The following ANKRD28 variants were observed in gnomAD, a reference collection of about 807,000 sequenced individuals.
ANKRD28 encodes ankyrin repeat domain 28.
A neutral mutation model predicts 126.5 loss-of-function variants in ANKRD28; 44 were observed. The ratio of observed to expected loss-of-function variants is 0.35; its 90% CI spans 0.27 to 0.45. The LOEUF is 0.45. Ranked by LOEUF, ANKRD28 falls within the 20% of genes least tolerant of loss-of-function variation. ANKRD28 has a pLI of 1.00. For synonymous variants in ANKRD28, 442 were observed against 468.5 expected, an observed-to-expected ratio of 0.94 and a Z score of 0.73; for missense variants, 1,110 against 1,316.6, an observed-to-expected ratio of 0.84 and a Z score of 2.43.
chr3:15,737,323 T>C, intron 4 of ANKRD28, 90 bp from the exon 5 acceptor site: 1 of 1,068,836 alleles, frequency 9.4e-7, no homozygotes, highest in Non-Finnish European at 1.3e-6. Flanking sequence ...TGTATAAATA[T>C]GTATCTACAT....
chr3:15,821,953 CT>C (rs762654817), intron 1 of ANKRD28, among the ~76,000 whole-genome samples: 3 of 152,154 alleles, frequency 2.0e-5, no homozygotes, highest in Non-Finnish European at 4.4e-5. Flanking sequence ...AAGCATATCT[CT>C]CTCATCTGTG....
rs1193813528 is a variant in ANKRD28 at position 15,846,568 on chromosome 3, C to T, written c.27+12809G>A. On this transcript the variant is annotated intron_variant, in intron 1 of 27. Transcript: ENST00000399451. The surrounding 1 kb of genome is among the most constrained non-coding windows in gnomAD (Gnocchi z 5.4). ...TACAAACAGTATAAACCAAGGGCAA[C>T]AGTTCCTAAATTCTGACCATTTTAT... Among the ~76,000 whole-genome samples, 1 of 152,244 alleles carries T rather than the reference C, an allele frequency of 6.6e-6. No homozygotes were observed. Among genetic ancestry groups the T allele is most frequent in the African/African-American group, 2.4e-5 (1 of 41,468 alleles).
intron 2 of ANKRD28, among the ~76,000 whole-genome samples, chr3:15,772,033 G>C (rs1376765265): frequency 1.3e-5 from 2 of 152,082 alleles, no homozygotes; most frequent in African/African-American, 4.8e-5. Flanking sequence ...ATTTTGAATG[G>C]AATGAAAATG....
rs1442674606 is a variant in ANKRD28, at chr3:15,797,110, T to C, written c.-589A>G. Reference sequence around the variant, plus strand: ...CATCACTGGTTTAATGCAGATACTATTCACAGAAAAAAGATCTAGAGCTCA... The same window carrying C: ...CATCACTGGTTTAATGCAGATACTACTCACAGAAAAAAGATCTAGAGCTCA... On this transcript the variant is annotated 5_prime_UTR_variant, in exon 1 of 28. Coordinates refer to ENST00000683139, the MANE Select transcript of ANKRD28 (RefSeq NM_001349278.2). 6 of 984,648 alleles carry C rather than the reference T, an allele frequency of 6.1e-6. No individual in the cohort carries two copies. The highest frequency in any genetic ancestry group is 7.2e-6 in the Non-Finnish European group (6 of 829,834). The allele number at this position is 984,648 out of a possible 1,614,324, so 61.0% of individuals were successfully genotyped here.
rs1209960528 is a variant in ANKRD28, at chr3:15,803,670, A to AGTAATGTCTTTAAAAGTTAGGTTAT, written c.28-8365_28-8364insATAACCTAACTTTTAAAGACATTAC. On this transcript the variant is annotated intron_variant, in intron 1 of 27. Transcript: ENST00000399451. ...GAAATAGGATTTATAGGACATGTTA[A>AGTAATGTCTTTAAAAGTTAGGTTAT]TAGACTGGCTACAAGAGTGATGGAG... Among the ~76,000 whole-genome samples, 104 of 146,698 alleles carry AGTAATGTCTTTAAAAGTTAGGTTAT rather than the reference A, an allele frequency of 7.1e-4. 2 individuals carry two copies. The highest frequency in any genetic ancestry group is 1.7e-3 in the East Asian group (6 of 3,464).
chr3:15,826,255 T>C (rs964003324), intron 1 of ANKRD28, among the ~76,000 whole-genome samples: 2 of 152,234 alleles, frequency 1.3e-5, no homozygotes, highest in Non-Finnish European at 2.9e-5. Context: ...TTTATTTGTA[T>C]AGATTTATCA....
chr3:15,823,130 G>C (rs11920302), intron 1 of ANKRD28, among the ~76,000 whole-genome samples: 1 of 152,152 alleles, frequency 6.6e-6, no homozygotes, highest in Non-Finnish European at 1.5e-5. Context: ...TCCATGGAGC[G>C]GGGGGCGTTG....
intron 18 of ANKRD28, among the ~76,000 whole-genome samples, chr3:15,689,244 A>T (rs947614755): frequency 1.2e-4 from 19 of 152,218 alleles, no homozygotes; most frequent in African/African-American, 4.6e-4. Flanking sequence ...TCCAGAGATA[A>T]GTCCAGGCTG....
intron 4 of ANKRD28, among the ~76,000 whole-genome samples, chr3:15,743,287 C>T (rs1017112271): frequency 5.3e-5 from 8 of 152,132 alleles, no homozygotes; most frequent in Admixed American, 2.0e-4. Flanking sequence ...TGCTGACCCT[C>T]CCTCCACTAT....
chr3:15,835,540 C>G (rs1282669460), intron 1 of ANKRD28, among the ~76,000 whole-genome samples: 1 of 152,216 alleles, frequency 6.6e-6, no homozygotes, highest in Admixed American at 6.5e-5. Context: ...TTGAAAAGTC[C>G]TTTCCTCACA....
At chr3:15,687,954 T>A (rs1310524235) in intron 18 of ANKRD28, among the ~76,000 whole-genome samples, 1 of 152,168 alleles carries the variant, frequency 6.6e-6, no homozygotes, top group Non-Finnish European at 1.5e-5. Flanking sequence ...AAACCCTCAG[T>A]GTTCTTTTCA....
At chr3:15,791,718 G>T (rs1316728707) in intron 2 of ANKRD28, among the ~76,000 whole-genome samples, 1 of 152,132 alleles carries the variant, frequency 6.6e-6, no homozygotes, top group Non-Finnish European at 1.5e-5. Flanking sequence ...TAGCCCACAA[G>T]CACAGGCAAC....
At chr3:15,670,857 C>T (rs1413589870) in intron 27 of ANKRD28, among the ~76,000 whole-genome samples, 1 of 152,056 alleles carries the variant, frequency 6.6e-6, no homozygotes, top group African/African-American at 2.4e-5. Context: ...AAAAACTGGG[C>T]TAGAATAAGA....
Position 15,843,990 on chromosome 3 carries a change from C to G in ANKRD28, c.27+15387G>C, listed in dbSNP as rs1300284103. Among the ~76,000 whole-genome samples the G allele has an allele frequency of 6.6e-6, 1 of 152,020 alleles. No individual in the cohort carries two copies. The highest frequency in any genetic ancestry group is 6.6e-5 in the Admixed American group (1 of 15,258). On this transcript the variant is annotated intron_variant, in intron 1 of 27. Transcript: ENST00000399451. The surrounding 1 kb of genome is among the most constrained non-coding windows in gnomAD (Gnocchi z 5.2). The stretch of plus-strand genomic sequence containing the variant: ...TAAGGTGGAAATGCAGGAACGAAAG[C>G]TGGGTAGGGTAGGTGATAGTTGAAG...
At chr3:15,813,888 T>C (rs2060778956) in intron 1 of ANKRD28, among the ~76,000 whole-genome samples, 1 of 150,502 alleles carries the variant, frequency 6.6e-6, no homozygotes, top group Non-Finnish European at 1.5e-5. Context: ...AACCAAAGTT[T>C]GAAAACCTTT....
At chr3:15,776,271 G>A (rs1199098797) in intron 2 of ANKRD28, among the ~76,000 whole-genome samples, 5 of 152,164 alleles carry the variant, frequency 3.3e-5, no homozygotes, top group Non-Finnish European at 7.3e-5. Context: ...TATATGTATA[G>A]CCAAGTATTT....
At chr3:15,794,104 C>T (rs1276595093) in intron 2 of ANKRD28, among the ~76,000 whole-genome samples, 1 of 151,252 alleles carries the variant, frequency 6.6e-6, no homozygotes, top group African/African-American at 2.5e-5. Context: ...TACATAAATC[C>T]TGAATTAGGT....
At chr3:15,778,925 G>A (rs1559517232) in intron 2 of ANKRD28, among the ~76,000 whole-genome samples, 1 of 152,166 alleles carries the variant, frequency 6.6e-6, no homozygotes, top group African/African-American at 2.4e-5. Context: ...TCTGATGGTT[G>A]TATAAGTATG....
Position 15,680,766 on chromosome 3 carries a change from A to G in ANKRD28, c.2390-1203T>C, listed in dbSNP as rs186090546. Among the ~76,000 whole-genome samples the G allele has an allele frequency of 4.1e-3, 623 of 152,062 alleles. 6 individuals are homozygous for G. The highest frequency in any genetic ancestry group is 9.9e-3 in the Admixed American group (151 of 15,272). ...CTGCAGTCTCAACCTCCTGGGCTCAAGTGATCCTCCCACCTCAGCCTCCTG... is the reference window on the plus strand; with the variant it reads ...CTGCAGTCTCAACCTCCTGGGCTCAGGTGATCCTCCCACCTCAGCCTCCTG... On this transcript the variant is annotated intron_variant, in intron 21 of 27. Transcript: ENST00000683139.
Sources: allele counts gnomAD v4.1 joint callset (sites outside exome capture counted in the v4.1 genomes callset), GRCh38; gene constraint gnomAD v4.1.1; non-coding constraint Gnocchi (gnomAD v3.1); transcripts MANE v1.5; gene names NCBI Gene and HGNC (gene_info 2026-07-23, HGNC 2026-07-21).